The following PEBP4 variants were observed in gnomAD, a reference collection of about 807,000 sequenced individuals.
PEBP4 encodes the protein phosphatidylethanolamine binding protein 4.
In PEBP4, 22 loss-of-function variants were observed where a neutral mutation model predicts 23.9. That is an observed-to-expected ratio of 0.92 (90% CI 0.66 to 1.31). The LOEUF (loss-of-function observed/expected upper bound fraction) is 1.31. PEBP4 is among the 40% of genes most tolerant of loss of function. The pLI, the probability that PEBP4 is intolerant of heterozygous loss-of-function variation, is 0.00. For missense variants in PEBP4, 324 were observed against 281.7 expected (o/e 1.15, Z -1.07); for synonymous variants, 112 against 99.3 (o/e 1.13, Z -0.76).
At position 22,892,074 on chromosome 8, in the gene PEBP4, G is replaced by GA. The variant is rs772606463; in HGVS notation, c.258+28109dup. On this transcript the variant is annotated intron_variant, in intron 3 of 6. Transcript: ENST00000256404. ...GGCGAAAGAGCAAGACTCCGTCTCA[G>GA]AAAAAAAAAAAAAGAAACCAGGGAA... 1.3e-3 allele frequency among the ~76,000 whole-genome samples: 174 copies of GA among 132,032 alleles called. 1 individual carries two copies. Among genetic ancestry groups the GA allele is most frequent in the South Asian group, 2.6e-3 (11 of 4,184 alleles). 86.6% of individuals were successfully genotyped at this position (132,032 alleles called of 152,430 possible).
intron 3 of PEBP4, among the ~76,000 whole-genome samples, chr8:22,875,707 C>A (rs1808105446): frequency 6.6e-6 from 1 of 152,098 alleles, no homozygotes; most frequent in Non-Finnish European, 1.5e-5. Flanking sequence ...AAGGCTTTCA[C>A]AAACTGGCCC....
chr8:22,817,490 G>C lies in PEBP4; in HGVS notation c.357+147C>G, dbSNP rs1806767562. 12 of 717,742 alleles carry C rather than the reference G, an allele frequency of 1.7e-5. No homozygotes were observed. In the East Asian group the frequency reaches 3.2e-4, roughly 19 times the overall value. 44.5% of individuals were successfully genotyped at this position (717,742 alleles called of 1,614,324 possible). On this transcript the variant is annotated intron_variant, in intron 4 of 6. Transcript: ENST00000256404. ...TTTTTGAAATTGTTGGAAAACTTGG[G>C]AGGGCTTTGATAGCTGAGCACTGGG...
At chr8:22,922,278 G>A (rs919642141) in intron 2 of PEBP4, among the ~76,000 whole-genome samples, 2 of 152,114 alleles carry the variant, frequency 1.3e-5, no homozygotes, top group Non-Finnish European at 2.9e-5. Flanking sequence ...CAAAGTCTTG[G>A]AGAAGGACAC....
chr8:22,830,709 C>T (rs1037221317), intron 3 of PEBP4, among the ~76,000 whole-genome samples: 8 of 152,096 alleles, frequency 5.3e-5, no homozygotes, highest in African/African-American at 1.7e-4. Flanking sequence ...TCCCTCTTTT[C>T]CTCCTTTTCC....
chr8:22,791,618 G>A (rs181112069), intron 4 of PEBP4, among the ~76,000 whole-genome samples: 7 of 152,224 alleles, frequency 4.6e-5, no homozygotes, highest in Admixed American at 6.5e-5. Context: ...CATATTTTAC[G>A]TACAAACACA....
chr8:22,939,082 A>G (rs1809577039), intron 1 of PEBP4, among the ~76,000 whole-genome samples: 1 of 152,242 alleles, frequency 6.6e-6, no homozygotes, highest in East Asian at 1.9e-4. Flanking sequence ...CTTGAAATGT[A>G]AAAGTATAAA....
At chr8:22,827,559 C>T (rs956382217) in intron 3 of PEBP4, among the ~76,000 whole-genome samples, 1 of 152,108 alleles carries the variant, frequency 6.6e-6, no homozygotes, top group Non-Finnish European at 1.5e-5. Context: ...CCATGCTGTA[C>T]ATGTATTAGT....
intron 6 of PEBP4, among the ~76,000 whole-genome samples, chr8:22,722,516 G>A (rs1229919396): frequency 6.6e-6 from 1 of 152,240 alleles, no homozygotes; most frequent in Non-Finnish European, 1.5e-5. Flanking sequence ...AGGAAGGGAA[G>A]AGATCTATCC....
At chr8:22,905,284 T>TAAA (rs566107670) in intron 3 of PEBP4, among the ~76,000 whole-genome samples, 2 of 147,874 alleles carry the variant, frequency 1.4e-5, no homozygotes, top group African/African-American at 5.0e-5. Flanking sequence ...CCTTTTTTTT[T>TAAA]AAAAAAAAAA....
intron 1 of PEBP4, 46 bp downstream of exon 1, chr8:22,927,777 C>T: frequency 6.2e-7 from 1 of 1,601,298 alleles, no homozygotes; most frequent in Non-Finnish European, 8.5e-7. Context: ...TTCCTGCCCA[C>T]TACCTGTGCC....
chr8:22,853,913 T>C (rs1807592749), intron 3 of PEBP4, among the ~76,000 whole-genome samples: 2 of 152,236 alleles, frequency 1.3e-5, no homozygotes, highest in Non-Finnish European at 2.9e-5. Flanking sequence ...CAACTGCTTA[T>C]TGTTTTTGAT....
At chr8:22,877,067 A>G (rs991433004) in intron 3 of PEBP4, among the ~76,000 whole-genome samples, 2 of 152,186 alleles carry the variant, frequency 1.3e-5, no homozygotes, top group African/African-American at 4.8e-5. Context: ...GGTTTCAGGG[A>G]GTTTATTCCA....
intron 4 of PEBP4, among the ~76,000 whole-genome samples, chr8:22,733,158 C>G (rs1232980950): frequency 6.6e-6 from 1 of 152,206 alleles, no homozygotes; most frequent in Admixed American, 6.5e-5. Context: ...ATCTTTAGCC[C>G]CATTGGACAG....
At chr8:22,899,446 C>T (rs955712682) in intron 3 of PEBP4, among the ~76,000 whole-genome samples, 1 of 152,338 alleles carries the variant, frequency 6.6e-6, no homozygotes, top group Admixed American at 6.5e-5. Flanking sequence ...TTCGGAAAAG[C>T]CACACATGAA....
At position 22,713,452 on chromosome 8, in the gene PEBP4, T is replaced by C. The variant is rs1804349949; in HGVS notation, c.602A>G (p.Gln201Arg). 6.2e-7 allele frequency: 1 copy of C among 1,613,928 alleles called. No individual in the cohort carries two copies. Among genetic ancestry groups the C allele is most frequent in the Admixed American group, 1.7e-5 (1 of 59,978 alleles). The part of the protein sequence containing the change: ...ASTQFMTQNY[Q>R]DSPTLQAPRE... ...GGGAGCCTGGAGGGTTGGTGAGTCCTGGTAGTTCTGGGTCATGAACTGGGT... is the reference window on the plus strand; with the variant it reads ...GGGAGCCTGGAGGGTTGGTGAGTCCCGGTAGTTCTGGGTCATGAACTGGGT... Residue 201 changes from glutamine (Q) to arginine (R), a missense_variant, in exon 7 of 7, where the codon CAG becomes CGG. Gln to Arg is a conservative substitution (Grantham distance 43). Transcript: ENST00000256404.
intron 1 of PEBP4, among the ~76,000 whole-genome samples, chr8:22,937,125 C>T (rs1468924242): frequency 2.0e-5 from 3 of 152,080 alleles, no homozygotes; most frequent in Non-Finnish European, 4.4e-5. Context: ...AAATAAAAGG[C>T]ATCCAAATTA....
chr8:22,937,793 T>C (rs1470026133), intron 1 of PEBP4, among the ~76,000 whole-genome samples: 1 of 74,322 alleles, frequency 1.3e-5, no homozygotes, highest in African/African-American at 6.2e-5. Flanking sequence ...TGTGTATGTG[T>C]ATGTATGTGT....
intron 3 of PEBP4, among the ~76,000 whole-genome samples, chr8:22,880,046 T>G (rs1218647853): frequency 2.0e-5 from 3 of 152,200 alleles, no homozygotes; most frequent in African/African-American, 7.2e-5. Context: ...TGCATCCAAA[T>G]TTGGCTTCAA....
At chr8:22,828,243 C>T (rs1807014202) in intron 3 of PEBP4, among the ~76,000 whole-genome samples, 1 of 152,164 alleles carries the variant, frequency 6.6e-6, no homozygotes, top group Non-Finnish European at 1.5e-5. Flanking sequence ...CAGGGCTGGA[C>T]TTGCCTCATT....
Sources: gnomAD v4.1 joint callset for allele counts (sites outside exome capture counted in the v4.1 genomes callset) on GRCh38, gnomAD v4.1.1 for gene constraint, MANE v1.5 for transcripts, NCBI Gene and HGNC (gene_info 2026-07-23, HGNC 2026-07-21) for gene names.